Variants in CDH4 observed in about 807,000 individuals in gnomAD.
CDH4 encodes the protein cadherin-4.
In CDH4, 33 loss-of-function variants were observed where a neutral mutation model predicts 86.0. The ratio of observed to expected loss-of-function variants is 0.38; its 90% CI spans 0.29 to 0.51. CDH4 has a LOEUF of 0.51. Among genes scored for constraint, CDH4 ranks in the 20% least tolerant of loss-of-function variants. The pLI is 0.86. For missense variants in CDH4, 1,114 were observed against 1,307.4 expected (o/e 0.85, Z 2.28); for synonymous variants, 555 against 549.4 (o/e 1.01, Z -0.14).
chr20:61,810,302 G>A lies in CDH4; in HGVS notation c.577-34366G>A, dbSNP rs761478990. Among the ~76,000 whole-genome samples the A allele has an allele frequency of 6.6e-5, 10 of 152,208 alleles. No homozygotes were observed. Among genetic ancestry groups the A allele is most frequent in the Non-Finnish European group, 1.0e-4 (7 of 68,034 alleles). ...GGCTATCCACCGGGCCAGTCGGGGC[G>A]GCTGTGCCAGGCTGTCGTCCCCCCC... On this transcript the variant is annotated intron_variant, in intron 4 of 15. Coordinates refer to ENST00000614565, the MANE Select transcript of CDH4 (RefSeq NM_001794.5). The surrounding 1 kb of genome is among the most constrained non-coding windows in gnomAD (Gnocchi z 4.3).
chr20:61,897,467 CACTGACCAGA>C (rs1250407956), intron 8 of CDH4, among the ~76,000 whole-genome samples: 1 of 152,074 alleles, frequency 6.6e-6, no homozygotes. Context: ...CATTTACCAG[CACTGACCAGA>C]AATGACCAGC....
intron 2 of CDH4, among the ~76,000 whole-genome samples, chr20:61,564,959 C>T (rs1400850945): frequency 1.3e-5 from 2 of 151,812 alleles, no homozygotes; most frequent in Non-Finnish European, 2.9e-5. Context: ...CATTTGTTTT[C>T]ATGAGGATTA....
intron 3 of CDH4, among the ~76,000 whole-genome samples, chr20:61,765,797 G>A (rs184485267): frequency 6.6e-6 from 1 of 152,206 alleles, no homozygotes; most frequent in East Asian, 1.9e-4. Context: ...GGGGCAAGGG[G>A]ACTGGCAGGG....
intron 6 of CDH4, among the ~76,000 whole-genome samples, chr20:61,870,267 G>A (rs1983743442): frequency 1.3e-5 from 2 of 152,216 alleles, no homozygotes; most frequent in Admixed American, 6.5e-5. Context: ...AGATTTCTCT[G>A]AGACATGACA....
intron 2 of CDH4, among the ~76,000 whole-genome samples, chr20:61,538,920 G>A (rs528361026): frequency 2.0e-5 from 3 of 152,334 alleles, no homozygotes; most frequent in Admixed American, 6.5e-5. Context: ...GTTGCCCCAG[G>A]GCACCGTGGC....
chr20:61,332,790 C>G (rs2084590167), intron 2 of CDH4, among the ~76,000 whole-genome samples: 1 of 152,198 alleles, frequency 6.6e-6, no homozygotes, highest in African/African-American at 2.4e-5. Context: ...CTGTCCCTGC[C>G]CCGGCTGTGG....
intron 2 of CDH4, among the ~76,000 whole-genome samples, chr20:61,305,850 G>T (rs1046117010): frequency 2.0e-5 from 3 of 152,320 alleles, no homozygotes; most frequent in Admixed American, 6.5e-5. Context: ...CTGAAAATAT[G>T]ATCTATATCT....
intron 8 of CDH4, among the ~76,000 whole-genome samples, chr20:61,908,163 T>C (rs1740356): frequency 0.85 from 129,792 of 152,182 alleles, 56,299 homozygotes; most frequent in Non-Finnish European, 0.95. Context: ...TGGGATTAAA[T>C]TGGAATATTT....
At position 61,921,928 on chromosome 20, in the gene CDH4, T is replaced by C. The variant is rs780740525; in HGVS notation, c.1375-1523T>C. On this transcript the variant is annotated intron_variant, in intron 9 of 15. Transcript: ENST00000614565. ...TTCTGCAAATATGAGCAAATACATA[T>C]ACAAATCATATTTTTCTCTCTCTTT... Among the ~76,000 whole-genome samples, 51 of 152,180 alleles carry C rather than the reference T, an allele frequency of 3.4e-4. 1 individual carries two copies. The highest frequency in any genetic ancestry group is 5.9e-5 in the Non-Finnish European group (4 of 68,036).
intron 6 of CDH4, among the ~76,000 whole-genome samples, chr20:61,860,687 G>A (rs1283677800): frequency 1.3e-5 from 2 of 152,212 alleles, no homozygotes; most frequent in Admixed American, 6.5e-5. Context: ...AGGCATCACT[G>A]AAAATGACAG....
At chr20:61,633,886 A>G (rs2427208) in intron 2 of CDH4, among the ~76,000 whole-genome samples, 87,370 of 152,022 alleles carry the variant, frequency 0.57, 25,246 homozygotes, top group East Asian at 0.72. Context: ...GAGACATCTA[A>G]TTGCTCTCAG....
intron 6 of CDH4, among the ~76,000 whole-genome samples, chr20:61,869,791 C>T (rs1983717373): frequency 6.6e-6 from 1 of 152,168 alleles, no homozygotes; most frequent in African/African-American, 2.4e-5. Flanking sequence ...GAGGCAGCTT[C>T]GATTGGTGGG....
At chr20:61,782,170 G>T (rs1978581583) in intron 4 of CDH4, among the ~76,000 whole-genome samples, 1 of 152,112 alleles carries the variant, frequency 6.6e-6, no homozygotes, top group Non-Finnish European at 1.5e-5. Context: ...TCAGCTGGGT[G>T]TGGTGGCACA....
chr20:61,258,397 C>T (rs1325058611), intron 2 of CDH4, among the ~76,000 whole-genome samples: 1 of 150,340 alleles, frequency 6.7e-6, no homozygotes, highest in Non-Finnish European at 1.5e-5. Flanking sequence ...ACGTGACGTC[C>T]TCAGCAAAGC....
chr20:61,321,248 G>A (rs1307193739), intron 2 of CDH4, among the ~76,000 whole-genome samples: 2 of 152,176 alleles, frequency 1.3e-5, no homozygotes, highest in South Asian at 2.1e-4. Context: ...TTAATTTCCT[G>A]GGAAATGAAT....
chr20:61,880,510 C>A (rs868695425), intron 7 of CDH4, among the ~76,000 whole-genome samples: 1 of 152,182 alleles, frequency 6.6e-6, no homozygotes, highest in South Asian at 2.1e-4. Flanking sequence ...GGAAGGACAG[C>A]GGTGAGAAGG....
rs151025012 is a variant in CDH4 at position 61,827,575 on chromosome 20, T to C, written c.577-17093T>C. Among the ~76,000 whole-genome samples, 930 of 152,356 alleles carry C rather than the reference T, an allele frequency of 6.1e-3. 4 individuals are homozygous for C. The highest frequency in any genetic ancestry group is 0.015 in the South Asian group (71 of 4,820). On this transcript the variant is annotated intron_variant, in intron 4 of 15. Transcript: ENST00000614565. ...GTGAACTCCTGATATATGACAACTTTTTTAAAAAATGTATTTCCTAGCTCT... is the reference window on the plus strand; with the variant it reads ...GTGAACTCCTGATATATGACAACTTCTTTAAAAAATGTATTTCCTAGCTCT...
chr20:61,350,598 C>T (rs1297469084), intron 2 of CDH4, among the ~76,000 whole-genome samples: 1 of 150,700 alleles, frequency 6.6e-6, no homozygotes, highest in Non-Finnish European at 1.5e-5. Flanking sequence ...GCCAGCGGGA[C>T]ACCTCTGACC....
chr20:61,839,861 T>A (rs1316140661), intron 4 of CDH4, among the ~76,000 whole-genome samples: 1 of 151,824 alleles, frequency 6.6e-6, no homozygotes, highest in Non-Finnish European at 1.5e-5. Context: ...TATGTGTGTT[T>A]GTGTATTGTG....
Sources: allele counts gnomAD v4.1 joint callset (sites outside exome capture counted in the v4.1 genomes callset), GRCh38; gene constraint gnomAD v4.1.1; non-coding constraint Gnocchi (gnomAD v3.1); transcripts MANE v1.5; gene names NCBI Gene and HGNC (gene_info 2026-07-23, HGNC 2026-07-21).